Variants in TARS2 observed in about 807,000 individuals in gnomAD.
TARS2 encodes threonyl-tRNA synthetase 2, mitochondrial.
A neutral mutation model predicts 94.4 loss-of-function variants in TARS2; 61 were observed. The observed-to-expected ratio is 0.65, with a 90% CI of 0.53 to 0.80. The LOEUF (loss-of-function observed/expected upper bound fraction) is 0.80. Among genes scored for constraint, TARS2 ranks in the 30% least tolerant of loss-of-function variants. The pLI, the probability that TARS2 is intolerant of heterozygous loss-of-function variation, is 0.00. For synonymous variants in TARS2, 359 were observed against 353.4 expected, an observed-to-expected ratio of 1.02 and a Z score of -0.18; for missense variants, 704 against 902.5, an observed-to-expected ratio of 0.78 and a Z score of 2.82.
At chr1:150,498,454 G>A (rs1358526866) in intron 10 of TARS2, 48 bp from the exon 11 acceptor site, 1 of 1,512,146 alleles carries the variant, frequency 6.6e-7, no homozygotes, top group East Asian at 2.3e-5. Flanking sequence ...GCAGTCTTCG[G>A]GGGCTAGTCC....
rs12119249 is a variant in TARS2 at position 150,497,004 on chromosome 1, C to T, written c.1020+96C>T. On this transcript the variant is annotated intron_variant, in intron 9 of 17. Transcript: ENST00000369064. ...TGTGTTAAAAGATGGGGGTTGGGGC[C>T]GGGCACAGTGGCTCACATCTATAAT... The T allele has an allele frequency of 0.14, 159,764 of 1,182,786 alleles. 12,647 individuals are homozygous for T. Among genetic ancestry groups the T allele is most frequent in the East Asian group, 0.4 (15,964 of 39,546 alleles). The allele number at this position is 1,182,786 out of a possible 1,614,324, so 73.3% of individuals were successfully genotyped here.
At chr1:150,492,875 T>C (rs1669462930) in intron 7 of TARS2, among the ~76,000 whole-genome samples, 1 of 150,452 alleles carries the variant, frequency 6.6e-6, no homozygotes. Flanking sequence ...GGTGATACTT[T>C]CTGTCGGCAC....
rs751795412 is a variant in TARS2, at chr1:150,504,901, A to G, written c.1821-5A>G. 2 of 1,613,986 alleles carry G rather than the reference A, an allele frequency of 1.2e-6. No individual in the cohort carries two copies. The highest frequency in any genetic ancestry group is 1.1e-5 in the South Asian group (1 of 91,076). On this transcript the variant is annotated splice_polypyrimidine_tract_variant and splice_region_variant and intron_variant, in intron 15 of 17. Transcript: ENST00000369064. ...ATTTGCCATCACCTGTTCTTTCCCT[A>G]CCAGGCCACTGTGGCTGTCCCCGTT... is the stretch of plus-strand genomic sequence containing the variant.
chr1:150,504,939 C>A lies in TARS2; in HGVS notation c.1854C>A (p.Val618=). ...GGCTGTCCCCGTTCCAGGTGGTGGT[C>A]ATCCCTGTGGGGAGTGAGCAAGAGG... ...PLWLSPFQVV[V]IPVGSEQEEY... The change falls in exon 16 of 18, where the codon GTC becomes GTA. Residue 618 remains valine (V), a synonymous_variant. Coordinates refer to ENST00000369064, the MANE Select transcript of TARS2 (RefSeq NM_025150.5). The A allele has an allele frequency of 6.2e-7, 1 of 1,614,154 alleles. No homozygotes were observed. Among genetic ancestry groups the A allele is most frequent in the South Asian group, 1.1e-5 (1 of 91,064 alleles).
intron 11 of TARS2, 63 bp from the exon 12 acceptor site, chr1:150,498,834 A>G: frequency 6.2e-7 from 1 of 1,610,818 alleles, no homozygotes; most frequent in Non-Finnish European, 8.5e-7. Flanking sequence ...TTTTCCTCAA[A>G]CTGCCAGCAT....
chr1:150,489,806 G>A (rs1669304100), intron 3 of TARS2, among the ~76,000 whole-genome samples: 1 of 152,142 alleles, frequency 6.6e-6, no homozygotes, highest in Non-Finnish European at 1.5e-5. Flanking sequence ...GCTGGGCGTG[G>A]TGGTGAGCAC....
rs377654648 is a variant in TARS2 at position 150,499,055 on chromosome 1, T to C, written c.1539+21T>C. ...AACAGGTGAGTAGGAGGTAGAGAAATAGAGGCAGATAAACCACTCTCTGGT... is the reference window on the plus strand; with the variant it reads ...AACAGGTGAGTAGGAGGTAGAGAAACAGAGGCAGATAAACCACTCTCTGGT... On this transcript the variant is annotated intron_variant, in intron 12 of 17. Transcript: ENST00000369064. 7.6e-5 allele frequency: 122 copies of C among 1,613,904 alleles called. No homozygotes were observed. The African/African-American group carries it at 1.5e-3, about 19-fold the overall frequency.
Position 150,496,863 on chromosome 1 carries a change from GC to G in TARS2, c.977del (p.Pro326HisfsTer10). The G allele has an allele frequency of 6.2e-7, 1 of 1,614,120 alleles. No individual in the cohort carries two copies. The highest frequency in any genetic ancestry group is 8.5e-7 in the Non-Finnish European group (1 of 1,180,030). On this transcript the variant is annotated frameshift_variant, in exon 9 of 18. Coordinates refer to ENST00000369064, the MANE Select transcript of TARS2 (RefSeq NM_025150.5). LOFTEE classifies it high-confidence loss of function. ...ELSPGSCFFL[P>X]RGTRVYNALV... ...TGAGCCCTGGGAGCTGCTTCTTCCT[GC>G]CACGAGGGACAAGGGTGTATAATGC...
At chr1:150,493,234 C>T (rs752283131) in intron 7 of TARS2, among the ~76,000 whole-genome samples, 1 of 151,928 alleles carries the variant, frequency 6.6e-6, no homozygotes, top group African/African-American at 2.4e-5. Flanking sequence ...TTCTAAAAAC[C>T]CGTTTGATGG....
At chr1:150,497,290 GA>G (rs886796337) in intron 9 of TARS2, among the ~76,000 whole-genome samples, 1 of 149,768 alleles carries the variant, frequency 6.7e-6, no homozygotes, top group Non-Finnish European at 1.5e-5. Context: ...GTCTTGAAGA[GA>G]AAAAAAAAGG....
At chr1:150,494,048 A>G (rs1231091952) in intron 7 of TARS2, among the ~76,000 whole-genome samples, 9 of 151,990 alleles carry the variant, frequency 5.9e-5, no homozygotes, top group Non-Finnish European at 7.4e-5. Context: ...TTTTTGTCCT[A>G]CCAGTAAATT....
chr1:150,499,108 A>G (rs1035405641), intron 12 of TARS2, 74 bp downstream of exon 12: 7 of 1,611,270 alleles, frequency 4.3e-6, no homozygotes, highest in African/African-American at 4.0e-5. Context: ...ACAGTAATCA[A>G]GGTTCTCAGA....
intron 13 of TARS2, among the ~76,000 whole-genome samples, chr1:150,504,004 G>C (rs955650524): frequency 6.6e-6 from 1 of 152,020 alleles, no homozygotes; most frequent in Non-Finnish European, 1.5e-5. Flanking sequence ...ACAGCCATTG[G>C]GGGAGATGAC....
In TARS2 at chr1:150,507,096, G is replaced by A. The variant is rs200981244; in HGVS notation, c.*32G>A. The A allele has an allele frequency of 4.0e-4, 649 of 1,611,064 alleles. 3 individuals carry two copies. The highest frequency in any genetic ancestry group is 1.1e-4 in the Non-Finnish European group (130 of 1,178,398). On this transcript the variant is annotated 3_prime_UTR_variant, in exon 18 of 18. Coordinates refer to ENST00000369064, the MANE Select transcript of TARS2 (RefSeq NM_025150.5). ...GTACATAGATGAGGCAAAAACCTGC[G>A]AGTGCCATCAGCCTCCCTCACATGG...
chr1:150,498,529 C>G lies in TARS2; in HGVS notation c.1266C>G (p.Ser422=). Residue 422 remains serine, a synonymous_variant, in exon 11 of 18, where the codon TCC becomes TCG. Coordinates refer to ENST00000369064, the MANE Select transcript of TARS2 (RefSeq NM_025150.5). ...HCLMFAHRPR[S]WRELPLRLAD... The stretch of plus-strand genomic sequence containing the variant: ...TGATGTTCGCCCACCGGCCCAGATC[C>G]TGGCGGGAACTGCCCCTGCGACTAG... The G allele has an allele frequency of 6.3e-7, 1 of 1,594,566 alleles. No homozygotes were observed. Among genetic ancestry groups the G allele is most frequent in the South Asian group, 1.1e-5 (1 of 88,376 alleles).
chr1:150,505,580 C>A lies in TARS2; in HGVS notation c.1894-11C>A. On this transcript the variant is annotated splice_polypyrimidine_tract_variant and intron_variant, in intron 16 of 17. Transcript: ENST00000369064. ...GTAAATTAACTTCCTGTCACCAAAC[C>A]TCTGTTGCAGGCACAGCAGAGCCTG... 6.2e-7 allele frequency: 1 copy of A among 1,611,964 alleles called. No individual in the cohort carries two copies. Among genetic ancestry groups the A allele is most frequent in the South Asian group, 1.1e-5 (1 of 91,038 alleles).
Position 150,497,703 on chromosome 1 carries a change from C to T in TARS2, c.1194C>T (p.Ile398=), listed in dbSNP as rs746110528. Residue 398 remains isoleucine, a synonymous_variant, in exon 10 of 18, where the codon ATC becomes ATT. Coordinates refer to ENST00000369064, the MANE Select transcript of TARS2 (RefSeq NM_025150.5). The part of the protein sequence containing the change: ...SSQSDDSTRH[I]TDTLALKPMN... ...AGAGTGACGATTCTACCAGGCATAT[C>T]ACAGATACACTCGCCCTCAAGCCTA... 9.9e-6 allele frequency: 16 copies of T among 1,614,006 alleles called. No homozygotes were observed. The highest frequency in any genetic ancestry group is 1.4e-5 in the Non-Finnish European group (16 of 1,180,038).
At chr1:150,506,722 G>T (rs1670241176) in intron 17 of TARS2, among the ~76,000 whole-genome samples, 194 bp from the exon 18 acceptor site, 1 of 151,798 alleles carries the variant, frequency 6.6e-6, no homozygotes, top group Non-Finnish European at 1.5e-5. Context: ...GCACTTCCTT[G>T]TCTCCTCAGG....
Position 150,496,889 on chromosome 1 carries a change from C to T in TARS2, c.1001C>T (p.Ala334Val), listed in dbSNP as rs1162472600. ...FLPRGTRVYN[A>V]LVAFIRAEYA... ...CCACGAGGGACAAGGGTGTATAATG[C>T]ACTAGTGGCGTTTATCAGGGTAAGG... Residue 334 changes from alanine to valine, a missense_variant, in exon 9 of 18, where the codon GCA (alanine) becomes GTA (valine). Transcript: ENST00000369064. 5 of 1,613,902 alleles carry T rather than the reference C, an allele frequency of 3.1e-6. No individual in the cohort carries two copies. In the African/African-American group the frequency reaches 6.7e-5, roughly 22 times the overall value.
Sources: gnomAD v4.1 joint callset for allele counts (sites outside exome capture counted in the v4.1 genomes callset) on GRCh38, gnomAD v4.1.1 for gene constraint, MANE v1.5 for transcripts, NCBI Gene and HGNC (gene_info 2026-07-23, HGNC 2026-07-21) for gene names.